The following BCAR3 variants were observed in gnomAD, a reference collection of about 807,000 sequenced individuals.
The protein encoded by BCAR3 is breast cancer anti-estrogen resistance protein 3.
Under a neutral mutation model 80.1 loss-of-function variants are expected in BCAR3, and 37 were observed. The observed-to-expected ratio is 0.46, with a 90% confidence interval of 0.36 to 0.61. The LOEUF (loss-of-function observed/expected upper bound fraction) is 0.61, where lower values mean the gene tolerates loss of function less well. Ranked by LOEUF, BCAR3 falls within the 20% of genes least tolerant of loss-of-function variation. The pLI, the probability that BCAR3 is intolerant of heterozygous loss-of-function variation, is 0.00. For synonymous variants in BCAR3, 389 were observed against 418.9 expected, an observed-to-expected ratio of 0.93 and a Z score of 0.87; for missense variants, 978 against 1,068.2, an observed-to-expected ratio of 0.92 and a Z score of 1.18.
chr1:93,764,550 G>A (rs1305361747), intron 2 of BCAR3, among the ~76,000 whole-genome samples: 3 of 151,938 alleles, frequency 2.0e-5, no homozygotes, highest in East Asian at 1.9e-4. Flanking sequence ...TCTCTGCTGC[G>A]GCTATCACCA....
In BCAR3 at chr1:93,589,334, T is replaced by A. The variant is rs755613955; in HGVS notation, c.572A>T (p.Gln191Leu). The change falls in exon 5 of 12, where the codon CAG becomes CTG. Residue 191 changes from glutamine (Q) to leucine (L), a missense_variant. By Grantham distance (113) the Gln-to-Leu change is moderately radical. Transcript: ENST00000260502. ...GAAGTGCTGAGCGAGGTTCTTCCAC[T>A]GACAGGTCAGGACAAAGTTCCCAGG... ...SSPGNFVLTC[Q>L]WKNLAQHFKI... 3 of 1,614,136 alleles carry A rather than the reference T, an allele frequency of 1.9e-6. No individual in the cohort carries two copies. The highest frequency in any genetic ancestry group is 2.5e-6 in the Non-Finnish European group (3 of 1,180,016).
chr1:93,644,657 G>A (rs1424285952), intron 2 of BCAR3, among the ~76,000 whole-genome samples: 1 of 152,188 alleles, frequency 6.6e-6, no homozygotes, highest in East Asian at 1.9e-4. Context: ...ATTTTACAGA[G>A]TTTGACTCTT....
chr1:93,778,900 C>T (rs552190828), intron 2 of BCAR3, among the ~76,000 whole-genome samples: 2 of 152,286 alleles, frequency 1.3e-5, no homozygotes, highest in East Asian at 3.9e-4. Context: ...AATATATAGG[C>T]TCTTGGAGAA....
At chr1:93,815,465 C>A (rs748287807) in intron 2 of BCAR3, among the ~76,000 whole-genome samples, 1 of 152,120 alleles carries the variant, frequency 6.6e-6, no homozygotes, top group African/African-American at 2.4e-5. Flanking sequence ...TGTGGGGTCT[C>A]CATATTTTTG....
At chr1:93,604,175 G>A (rs539121200) in intron 3 of BCAR3, among the ~76,000 whole-genome samples, 12 of 152,318 alleles carry the variant, frequency 7.9e-5, no homozygotes, top group South Asian at 4.1e-4. Flanking sequence ...GCAATTTGCT[G>A]TTAAATTAAG....
At chr1:93,642,458 T>A in intron 2 of BCAR3, 115 bp from the exon 3 acceptor site, 1 of 1,001,128 alleles carries the variant, frequency 1.0e-6, no homozygotes, top group Non-Finnish European at 1.5e-6. Context: ...CTGGGCCCCA[T>A]CTCCCAGGCA....
At chr1:93,587,023 C>T (rs186897948) in intron 5 of BCAR3, among the ~76,000 whole-genome samples, 6 of 152,342 alleles carry the variant, frequency 3.9e-5, no homozygotes, top group Non-Finnish European at 7.3e-5. Context: ...AATCCACCTG[C>T]CTCGGCCTCC....
At chr1:93,572,321 T>G (rs1673253210) in intron 8 of BCAR3, among the ~76,000 whole-genome samples, 2 of 152,012 alleles carry the variant, frequency 1.3e-5, no homozygotes, top group Middle Eastern at 3.4e-3. Context: ...TCCAAGACAA[T>G]AACATGGCCA....
At chr1:93,741,748 A>T (rs1366796060) in intron 2 of BCAR3, among the ~76,000 whole-genome samples, 1 of 151,820 alleles carries the variant, frequency 6.6e-6, no homozygotes, top group Non-Finnish European at 1.5e-5. Flanking sequence ...TTTTTGTATT[A>T]TTAGTAGAGA....
At chr1:93,629,234 C>T (rs1395279590) in intron 3 of BCAR3, among the ~76,000 whole-genome samples, 2 of 152,214 alleles carry the variant, frequency 1.3e-5, no homozygotes, top group Non-Finnish European at 2.9e-5. Context: ...CTGCTCCAGT[C>T]AGCCTGGGCA....
intron 2 of BCAR3, among the ~76,000 whole-genome samples, chr1:93,838,449 A>G (rs564923925): frequency 3.9e-5 from 6 of 152,150 alleles, no homozygotes; most frequent in Non-Finnish European, 7.4e-5. Flanking sequence ...TTCATAAAGG[A>G]TCCACCCTCA....
chr1:93,809,406 G>T (rs1011554390), intron 2 of BCAR3, among the ~76,000 whole-genome samples: 1 of 152,036 alleles, frequency 6.6e-6, no homozygotes, highest in Non-Finnish European at 1.5e-5. Flanking sequence ...GGGTGGTGGT[G>T]GGGGGAGTCG....
At chr1:93,786,420 G>A (rs945188438) in intron 2 of BCAR3, among the ~76,000 whole-genome samples, 4 of 152,152 alleles carry the variant, frequency 2.6e-5, no homozygotes, top group African/African-American at 9.7e-5. Flanking sequence ...TATCTCGAAA[G>A]TGGGTCCTCC....
intron 7 of BCAR3, among the ~76,000 whole-genome samples, chr1:93,580,878 G>A (rs965306142): frequency 5.3e-5 from 8 of 152,174 alleles, no homozygotes; most frequent in Non-Finnish European, 1.2e-4. Context: ...AAATGGTGAT[G>A]GGCCGGGTGC....
chr1:93,565,548 T>G (rs1324617688), intron 11 of BCAR3, among the ~76,000 whole-genome samples: 1 of 152,240 alleles, frequency 6.6e-6, no homozygotes, highest in Non-Finnish European at 1.5e-5. Context: ...TAAAGTGATT[T>G]AAAGCTGTAG....
At chr1:93,589,520 T>C in intron 4 of BCAR3, 101 bp from the exon 5 acceptor site, 1 of 979,500 alleles carries the variant, frequency 1.0e-6, no homozygotes, top group South Asian at 1.7e-5. Context: ...AAGACAATGC[T>C]ACTATGTCTC....
At chr1:93,702,355 G>A (rs1000694474) in intron 3 of BCAR3, among the ~76,000 whole-genome samples, 1 of 152,176 alleles carries the variant, frequency 6.6e-6, no homozygotes, top group Non-Finnish European at 1.5e-5. Flanking sequence ...GGCCACAGAG[G>A]AGTCTTAAAA....
chr1:93,700,779 T>C (rs886389236), intron 3 of BCAR3, among the ~76,000 whole-genome samples: 1 of 152,248 alleles, frequency 6.6e-6, no homozygotes, highest in Non-Finnish European at 1.5e-5. Context: ...GGGAGCTGTC[T>C]TTCAGCGGAA....
chr1:93,806,592 G>A (rs1041496318), intron 2 of BCAR3, among the ~76,000 whole-genome samples: 2 of 152,126 alleles, frequency 1.3e-5, no homozygotes, highest in African/African-American at 4.8e-5. Context: ...TAAGACAATT[G>A]TGTTTCCTTC....
Sources: allele counts gnomAD v4.1 joint callset (sites outside exome capture counted in the v4.1 genomes callset), GRCh38; gene constraint gnomAD v4.1.1; transcripts MANE v1.5; gene names NCBI Gene and HGNC (gene_info 2026-07-23, HGNC 2026-07-21).